The following MYCBPAP variants were observed in gnomAD, a reference collection of about 807,000 sequenced individuals.
MYCBPAP encodes MYCBP-associated protein.
In MYCBPAP, 60 loss-of-function variants were observed where a neutral mutation model predicts 106.1. The ratio of observed to expected loss-of-function variants is 0.57; its 90% CI spans 0.46 to 0.70. The LOEUF (loss-of-function observed/expected upper bound fraction) is 0.70, where lower values mean the gene tolerates loss of function less well. Among genes scored for constraint, MYCBPAP ranks in the 30% least tolerant of loss-of-function variants. MYCBPAP has a pLI of 0.00. For synonymous variants in MYCBPAP, 407 were observed against 440.6 expected (o/e 0.92, Z 0.95); for missense variants, 1,064 against 1,169.3 (o/e 0.91, Z 1.31).
At position 50,529,475 on chromosome 17, in the gene MYCBPAP, T is replaced by C. The variant is rs139199486; in HGVS notation, c.2724+287T>C. On this transcript the variant is annotated intron_variant, in intron 18 of 18. Coordinates refer to ENST00000323776, the MANE Select transcript of MYCBPAP (RefSeq NM_032133.6). ...TGAAGGGAGGGGAAGGGTGGCCAAG[T>C]AGACGTCCAGTAAAGAGTGCTCCAG... 8.7e-4 allele frequency: 350 copies of C among 404,574 alleles called. 2 individuals carry two copies. The highest frequency in any genetic ancestry group is 6.9e-3 in the African/African-American group (335 of 48,830). The allele number at this position is 404,574 out of a possible 1,614,324, so 25.1% of individuals were successfully genotyped here.
chr17:50,527,698 G>C (rs538204528), intron 15 of MYCBPAP, among the ~76,000 whole-genome samples: 12 of 152,252 alleles, frequency 7.9e-5, no homozygotes, highest in Admixed American at 6.5e-4. Flanking sequence ...GGAAGAAGAC[G>C]GGGGGCAGAT....
At chr17:50,517,181 A>C (rs1597828049) in intron 2 of MYCBPAP, 112 bp from the exon 3 acceptor site, 1 of 951,988 alleles carries the variant, frequency 1.1e-6, no homozygotes, top group Admixed American at 1.8e-5. Flanking sequence ...AGCTGAAGAA[A>C]CAGATCTGTC....
At chr17:50,518,281 T>G (rs536753552) in intron 4 of MYCBPAP, among the ~76,000 whole-genome samples, 9 of 152,360 alleles carry the variant, frequency 5.9e-5, no homozygotes, top group Admixed American at 1.3e-4. Flanking sequence ...TCAACATCAG[T>G]TGTGAGGACA....
intron 1 of MYCBPAP, chr17:50,516,051 A>C (rs964380644): frequency 1.3e-5 from 2 of 153,666 alleles, no homozygotes; most frequent in African/African-American, 4.8e-5. Flanking sequence ...GTGCAGTCAC[A>C]CGATCTCAGC....
intron 1 of MYCBPAP, chr17:50,510,477 G>GTATATATA (rs2033788242): frequency 1.0e-5 from 1 of 98,792 alleles, no homozygotes; most frequent in African/African-American, 4.9e-5. Context: ...GTATATATGT[G>GTATATATA]TGTGTGTGTG....
At chr17:50,510,581 C>T (rs1324790217) in intron 1 of MYCBPAP, among the ~76,000 whole-genome samples, 4 of 139,698 alleles carry the variant, frequency 2.9e-5, no homozygotes, top group South Asian at 2.4e-4. Context: ...GATGGAGTGC[C>T]GTGGTACAGT....
chr17:50,521,398 G>A lies in MYCBPAP; in HGVS notation c.1115G>A (p.Ser372Asn). The A allele has an allele frequency of 6.2e-7, 1 of 1,601,900 alleles. No individual in the cohort carries two copies. Among genetic ancestry groups the A allele is most frequent in the South Asian group, 1.1e-5 (1 of 88,734 alleles). Residue 372 changes from serine (S) to asparagine (N), a missense_variant, in exon 9 of 19, where the codon AGT becomes AAT. Physicochemically the swap from Ser to Asn is conservative, Grantham distance 46 (BLOSUM62 1). Transcript: ENST00000323776. Reference protein sequence around the residue: ...TVEDYTVFERSQGSSSEDTAY... With the variant: ...TVEDYTVFERNQGSSSEDTAY... ...GAAGACTACACAGTGTTTGAAAGAAGTCAGGGAAGCTCCTCTGAAGACACA... is the reference window on the plus strand; with the variant it reads ...GAAGACTACACAGTGTTTGAAAGAAATCAGGGAAGCTCCTCTGAAGACACA...
intron 1 of MYCBPAP, among the ~76,000 whole-genome samples, chr17:50,514,266 T>TA (rs1057425364): frequency 4.6e-5 from 7 of 152,258 alleles, no homozygotes; most frequent in South Asian, 2.1e-4. Context: ...GGAAATTTCC[T>TA]AAAAAAAGTT....
Position 50,508,565 on chromosome 17 carries a change from G to A in MYCBPAP, c.-110G>A. 1 of 1,547,184 alleles carries A rather than the reference G, an allele frequency of 6.5e-7. No individual in the cohort carries two copies. The highest frequency in any genetic ancestry group is 2.4e-5 in the East Asian group (1 of 40,836). ...CGGTGGATGCGCGCCCCCGCGCGGG[G>A]CACCGGTTGCTGTGGACGCAGTGGC... On this transcript the variant is annotated 5_prime_UTR_variant, in exon 1 of 19. Coordinates refer to ENST00000323776, the MANE Select transcript of MYCBPAP (RefSeq NM_032133.6).
At chr17:50,519,548 T>C in intron 6 of MYCBPAP, 92 bp from the exon 7 acceptor site, 1 of 1,449,836 alleles carries the variant, frequency 6.9e-7, no homozygotes, top group Non-Finnish European at 9.5e-7. Flanking sequence ...GAAGCATCTG[T>C]AGCCTGTGGT....
chr17:50,509,721 T>C (rs1273002932), intron 1 of MYCBPAP: 1 of 156,492 alleles, frequency 6.4e-6, no homozygotes, highest in African/African-American at 2.4e-5. Flanking sequence ...AGAGCTGATT[T>C]TGTGTGGTAC....
At chr17:50,508,347 G>T (rs112315857), upstream of MYCBPAP, 2 of 488,852 alleles carry the variant, frequency 4.1e-6, no homozygotes, top group East Asian at 7.4e-5. Context: ...AACTCGCGGG[G>T]GTCCTCGCCC....
intron 7 of MYCBPAP, chr17:50,519,991 G>A (rs2034201533): frequency 1.8e-6 from 1 of 570,160 alleles, no homozygotes; most frequent in Non-Finnish European, 3.0e-6. Flanking sequence ...AGAGAGCTAG[G>A]AAACTGGAGT....
intron 1 of MYCBPAP, chr17:50,515,055 A>G (rs942371136): frequency 1.3e-5 from 3 of 225,456 alleles, no homozygotes; most frequent in African/African-American, 7.0e-5. Flanking sequence ...CTATTCAAAA[A>G]CACATGCTTT....
chr17:50,521,039 G>C, intron 7 of MYCBPAP, 71 bp from the exon 8 acceptor site: 1 of 1,232,158 alleles, frequency 8.1e-7, no homozygotes, highest in Middle Eastern at 2.2e-4. Flanking sequence ...CACTCTCAGA[G>C]CCCTTGAGAA....
rs765238296 is a variant in MYCBPAP, at chr17:50,519,707, T to C, written c.836T>C (p.Met279Thr). 11 of 1,614,070 alleles carry C rather than the reference T, an allele frequency of 6.8e-6. No individual in the cohort carries two copies. In the South Asian group the frequency reaches 9.9e-5, roughly 14 times the overall value. The change falls in exon 7 of 19, where the codon ATG becomes ACG. Residue 279 changes from methionine (M) to threonine (T), a missense_variant. By Grantham distance (81) the Met-to-Thr change is moderately conservative. Transcript: ENST00000323776. ...YLGDEMTGLV[M>T]TKTKTQRGLM... is the part of the protein sequence containing the mutation. ...GGAGATGAGATGACAGGTCTGGTCA[T>C]GACCAAGACAAAAACTCAGCGTGGC...
Position 50,518,538 on chromosome 17 carries a change from C to A in MYCBPAP, c.469-3C>A. The A allele has an allele frequency of 6.4e-7, 1 of 1,563,082 alleles. No individual in the cohort carries two copies. The highest frequency in any genetic ancestry group is 1.2e-5 in the South Asian group (1 of 81,276). On this transcript the variant is annotated splice_polypyrimidine_tract_variant and splice_region_variant and intron_variant, in intron 4 of 18. Coordinates refer to ENST00000323776, the MANE Select transcript of MYCBPAP (RefSeq NM_032133.6). ...CTCCACATACCTATGTTGTACTTTT[C>A]AGCTGGCTGAGCGGATACCTACCTC...
chr17:50,520,950 A>T, intron 7 of MYCBPAP, 160 bp from the exon 8 acceptor site: 1 of 612,712 alleles, frequency 1.6e-6, no homozygotes, highest in Non-Finnish European at 2.9e-6. Context: ...CTGAGGAGGT[A>T]TAGGACAGGA....
intron 2 of MYCBPAP, among the ~76,000 whole-genome samples, chr17:50,517,012 T>C (rs1323476372): frequency 6.6e-6 from 1 of 152,182 alleles, no homozygotes; most frequent in Non-Finnish European, 1.5e-5. Flanking sequence ...CAGCTCTGGG[T>C]AAAGCTGCTA....
Sources: allele counts gnomAD v4.1 joint callset (sites outside exome capture counted in the v4.1 genomes callset), GRCh38; gene constraint gnomAD v4.1.1; transcripts MANE v1.5; gene names NCBI Gene and HGNC (gene_info 2026-07-23, HGNC 2026-07-21).